The following SMTNL2 variants were observed in gnomAD, a reference collection of about 807,000 sequenced individuals.
SMTNL2 encodes the protein smoothelin-like protein 2.
SMTNL2 carries 43 observed loss-of-function variants against 44.1 expected under a neutral mutation model. The observed-to-expected ratio is 0.98, with a 90% CI of 0.76 to 1.26. The LOEUF (loss-of-function observed/expected upper bound fraction) is 1.26, where lower values mean the gene tolerates loss of function less well. SMTNL2 is among the 50% of genes most tolerant of loss of function. SMTNL2 has a pLI of 0.00. For synonymous variants in SMTNL2, 317 were observed against 287.6 expected (o/e 1.10, Z -1.03); for missense variants, 646 against 670.2 (o/e 0.96, Z 0.40).
At chr17:4,590,193 G>A (rs910253301) in intron 1 of SMTNL2, among the ~76,000 whole-genome samples, 16 of 151,672 alleles carry the variant, frequency 1.1e-4, no homozygotes, top group African/African-American at 3.6e-4. Context: ...TCTTGAACTC[G>A]TGACCTCAAG....
In SMTNL2 at chr17:4,592,816, C is replaced by T. The variant is rs1909634307; in HGVS notation, c.488-113C>T. On this transcript the variant is annotated intron_variant, in intron 2 of 7. Transcript: ENST00000389313. The surrounding 1 kb of genome is among the most constrained non-coding windows in gnomAD (Gnocchi z 4.5). Reference sequence around the variant, plus strand: ...GAGAGGCTGGAGCAGTCAGGGAGGCCTTCCTAGAGGAGGTGGGAGGAGGGC... The same window carrying T: ...GAGAGGCTGGAGCAGTCAGGGAGGCTTTCCTAGAGGAGGTGGGAGGAGGGC... 1.4e-6 allele frequency: 2 copies of T among 1,434,670 alleles called. No individual in the cohort carries two copies. The highest frequency in any genetic ancestry group is 1.9e-6 in the Non-Finnish European group (2 of 1,070,720). 88.9% of individuals were successfully genotyped at this position (1,434,670 alleles called of 1,614,324 possible). A position where few individuals can be genotyped will look rare whatever the true frequency, so the allele number is the denominator to read the frequency against.
In SMTNL2 at chr17:4,592,273, A is replaced by T; in HGVS notation, c.400-88A>T. ...TCAACATGATTGGTGTTTTGCCAGA[A>T]CGGGAGGGGATTTGGGGGTGGGCAG... On this transcript the variant is annotated intron_variant, in intron 1 of 7. Transcript: ENST00000389313. The surrounding 1 kb of genome is among the most constrained non-coding windows in gnomAD (Gnocchi z 4.5). 2.5e-6 allele frequency: 3 copies of T among 1,197,472 alleles called. No homozygotes were observed. Among genetic ancestry groups the T allele is most frequent in the Non-Finnish European group, 3.5e-6 (3 of 847,398 alleles). 74.2% of individuals were successfully genotyped at this position (1,197,472 alleles called of 1,614,324 possible). A position where few individuals can be genotyped will look rare whatever the true frequency, so the allele number is the denominator to read the frequency against.
In SMTNL2 at chr17:4,598,641, C is replaced by T. The variant is rs1041211233; in HGVS notation, c.1259+1318C>T. On this transcript the variant is annotated intron_variant, in intron 7 of 7. Transcript: ENST00000389313. This position sits in a 1 kb window ranked among gnomAD's most constrained non-coding sequence, Gnocchi z 4.8. ...GAGTTCGAGACCAGCTTGGGCAACA[C>T]GGCGAAACCCTGTCTCTACTAAAAT... 6.6e-6 allele frequency among the ~76,000 whole-genome samples: 1 copy of T among 151,954 alleles called. No individual in the cohort carries two copies. The highest frequency in any genetic ancestry group is 1.5e-5 in the Non-Finnish European group (1 of 67,966).
intron 1 of SMTNL2, among the ~76,000 whole-genome samples, chr17:4,590,465 C>A (rs1485064138): frequency 6.6e-6 from 1 of 152,080 alleles, no homozygotes; most frequent in Non-Finnish European, 1.5e-5. Context: ...ATGCCCCTGA[C>A]TCCTGTTTTT....
intron 1 of SMTNL2, among the ~76,000 whole-genome samples, chr17:4,586,167 C>T (rs537883019): frequency 1.3e-5 from 2 of 152,264 alleles, no homozygotes; most frequent in Non-Finnish European, 2.9e-5. Flanking sequence ...TGGGCAGTGG[C>T]GAATGCCCCT....
intron 7 of SMTNL2, among the ~76,000 whole-genome samples, chr17:4,603,456 G>C (rs543320060): frequency 6.6e-6 from 1 of 152,318 alleles, no homozygotes. Flanking sequence ...GAACTTTCTC[G>C]TGGTCAGAGC....
chr17:4,606,673 G>C (rs1910290849), intron 7 of SMTNL2, among the ~76,000 whole-genome samples: 1 of 151,816 alleles, frequency 6.6e-6, no homozygotes, highest in African/African-American at 2.4e-5. Context: ...GGGAGGCCAA[G>C]GCAGGTGGAT....
At position 4,593,157 on chromosome 17, in the gene SMTNL2, C is replaced by T; in HGVS notation, c.716C>T (p.Thr239Ile). Residue 239 changes from threonine to isoleucine, a missense_variant, in exon 3 of 8, where the codon ACT (threonine) becomes ATT (isoleucine). By Grantham distance (89) the Thr-to-Ile change is moderately conservative. Coordinates refer to ENST00000389313, the MANE Select transcript of SMTNL2 (RefSeq NM_001114974.2). ...PSPSEVITPW[T>I]PSPSEKNSSF... is the part of the protein sequence containing the mutation. ...CCCAGCGAGGTCATCACGCCCTGGACTCCCAGTCCTAGCGGTATGAGCTGG... is the reference window on the plus strand; with the variant it reads ...CCCAGCGAGGTCATCACGCCCTGGATTCCCAGTCCTAGCGGTATGAGCTGG... The T allele has an allele frequency of 1.9e-6, 3 of 1,605,376 alleles. No individual in the cohort carries two copies. The highest frequency in any genetic ancestry group is 2.6e-6 in the Non-Finnish European group (3 of 1,174,102).
intron 1 of SMTNL2, among the ~76,000 whole-genome samples, chr17:4,589,803 G>A (rs1909493042): frequency 1.3e-5 from 2 of 151,670 alleles, no homozygotes; most frequent in African/African-American, 4.8e-5. Context: ...GCCATCTCCT[G>A]TCCCCCAACC....
chr17:4,592,978 T>TC lies in SMTNL2; in HGVS notation c.543dup (p.Arg182GlnfsTer24), dbSNP rs1165068581. 2 of 1,613,596 alleles carry TC rather than the reference T, an allele frequency of 1.2e-6. No individual in the cohort carries two copies. Among genetic ancestry groups the TC allele is most frequent in the East Asian group, 2.2e-5 (1 of 44,856 alleles). ...TTGCCCAAAACTTCTCAGCACCAGA[T>TC]CCCCCCAGGCCTCGTCCTGTGAGCC... On this transcript the variant is annotated frameshift_variant, in exon 3 of 8. Coordinates refer to ENST00000389313, the MANE Select transcript of SMTNL2 (RefSeq NM_001114974.2). LOFTEE classifies it high-confidence loss of function. The surrounding 1 kb of genome is among the most constrained non-coding windows in gnomAD (Gnocchi z 4.5).
At chr17:4,599,890 G>A (rs1909957956) in intron 7 of SMTNL2, among the ~76,000 whole-genome samples, 1 of 152,344 alleles carries the variant, frequency 6.6e-6, no homozygotes, top group East Asian at 1.9e-4. Context: ...GCACACAGCA[G>A]GGTAAAAACG....
Position 4,584,908 on chromosome 17 carries a change from C to T in SMTNL2, c.303C>T (p.Ser101=), listed in dbSNP as rs754839663. The T allele has an allele frequency of 1.9e-4, 241 of 1,291,800 alleles. 2 individuals carry two copies. The highest frequency in any genetic ancestry group is 1.6e-4 in the Non-Finnish European group (160 of 1,025,104). 80.0% of individuals were successfully genotyped at this position (1,291,800 alleles called of 1,614,324 possible). The change falls in exon 1 of 8, where the codon AGC becomes AGT. Residue 101 remains serine, a synonymous_variant. Coordinates refer to ENST00000389313, the MANE Select transcript of SMTNL2 (RefSeq NM_001114974.2). Reference sequence around the variant, plus strand: ...TGCCCGGCACTCCCGGCACGCCCAGCCCCCCGCCCGCGCCCGGGGTTCCCG... The same window carrying T: ...TGCCCGGCACTCCCGGCACGCCCAGTCCCCCGCCCGCGCCCGGGGTTCCCG... ...SPVPGTPGTP[S]PPPAPGVPDR...
Position 4,607,260 on chromosome 17 carries a change from C to T in SMTNL2, c.1260-101C>T, listed in dbSNP as rs1414881111. 1.4e-5 allele frequency: 22 copies of T among 1,558,534 alleles called. No individual in the cohort carries two copies. Among genetic ancestry groups the T allele is most frequent in the East Asian group, 2.3e-5 (1 of 44,166 alleles). ...TGGGTCCTTGGGAACCTCTGGCTGCCGGCTGAGCTCTGTTCCCGGGACCGA... is the reference window on the plus strand; with the variant it reads ...TGGGTCCTTGGGAACCTCTGGCTGCTGGCTGAGCTCTGTTCCCGGGACCGA... On this transcript the variant is annotated intron_variant, in intron 7 of 7. Transcript: ENST00000389313. This position sits in a 1 kb window ranked among gnomAD's most constrained non-coding sequence, Gnocchi z 4.7.
At chr17:4,602,670 C>G (rs1475042390) in intron 7 of SMTNL2, among the ~76,000 whole-genome samples, 2 of 152,090 alleles carry the variant, frequency 1.3e-5, no homozygotes, top group African/African-American at 4.8e-5. Flanking sequence ...GTTGCCCAGG[C>G]TGGTCACGAA....
At chr17:4,594,976 C>G (rs1909745894) in intron 4 of SMTNL2, 169 bp from the exon 5 acceptor site, 7 of 878,792 alleles carry the variant, frequency 8.0e-6, no homozygotes, top group Non-Finnish European at 1.2e-5. Flanking sequence ...CAGCACAATT[C>G]AGAAAACCTG....
At chr17:4,589,584 C>T (rs913860013) in intron 1 of SMTNL2, among the ~76,000 whole-genome samples, 1 of 152,182 alleles carries the variant, frequency 6.6e-6, no homozygotes, top group African/African-American at 2.4e-5. Context: ...GTCGCCTCCT[C>T]TCCAAGGCTG....
At chr17:4,597,020 A>G (rs1909847504) in intron 6 of SMTNL2, 43 bp downstream of exon 6, 1 of 1,480,112 alleles carries the variant, frequency 6.8e-7, no homozygotes, top group Non-Finnish European at 9.0e-7. Context: ...GCCCCAGCTA[A>G]AAGCTTGACC....
chr17:4,595,604 C>T lies in SMTNL2; in HGVS notation c.989+277C>T, dbSNP rs1909776340. On this transcript the variant is annotated intron_variant, in intron 5 of 7. Transcript: ENST00000389313. The surrounding 1 kb of genome is among the most constrained non-coding windows in gnomAD (Gnocchi z 5.1). ...CTCTCCTCCTCCATTCCCGAGGCCC[C>T]CTGTCCTGTCTCTGGTGCCGCCAGG... Among the ~76,000 whole-genome samples the T allele has an allele frequency of 6.6e-6, 1 of 152,218 alleles. No individual in the cohort carries two copies. Among genetic ancestry groups the T allele is most frequent in the Admixed American group, 6.5e-5 (1 of 15,288 alleles).
At chr17:4,599,173 T>C (rs1284473944) in intron 7 of SMTNL2, among the ~76,000 whole-genome samples, 1 of 152,238 alleles carries the variant, frequency 6.6e-6, no homozygotes, top group Non-Finnish European at 1.5e-5. Context: ...TTGCCTTGGA[T>C]GACGCGCTTG....
Sources: gnomAD v4.1 joint callset for allele counts (sites outside exome capture counted in the v4.1 genomes callset) on GRCh38, gnomAD v4.1.1 for gene constraint, Gnocchi (gnomAD v3.1) non-coding constraint, MANE v1.5 for transcripts, NCBI Gene and HGNC (gene_info 2026-07-23, HGNC 2026-07-21) for gene names.